The following PTER variants were observed in gnomAD, a reference collection of about 807,000 sequenced individuals.
PTER encodes phosphotriesterase related.
A neutral mutation model predicts 29.6 loss-of-function variants in PTER; 38 were observed. That is an observed-to-expected ratio of 1.28 (90% CI 0.99 to 1.68). PTER has a LOEUF of 1.68. Among genes scored for constraint, PTER ranks in the 40% most tolerant of loss-of-function variants. The probability of loss-of-function intolerance (pLI) is 0.00; values close to 1 mark genes in which losing one functional copy is unlikely to be tolerated. For missense variants in PTER, 482 were observed against 427.8 expected (o/e 1.13, Z -1.12); for synonymous variants, 172 against 154.5 (o/e 1.11, Z -0.84).
chr10:16,486,865 T>C (rs1835722640), intron 3 of PTER: 2 of 434,332 alleles, frequency 4.6e-6, no homozygotes, highest in Non-Finnish European at 8.2e-6. Context: ...ATAAGTCATT[T>C]CCTTTAATTT....
At chr10:16,514,316 G>A (rs931235961), downstream of PTER, 1 of 576,308 alleles carries the variant, frequency 1.7e-6, no homozygotes, top group Non-Finnish European at 3.1e-6. Flanking sequence ...TGCTTTGGCG[G>A]TAGTGGATCA....
chr10:16,493,777 G>T (rs532154408), intron 3 of PTER, among the ~76,000 whole-genome samples: 30 of 152,084 alleles, frequency 2.0e-4, no homozygotes, highest in Non-Finnish European at 3.2e-4. Context: ...AGAAATCCAG[G>T]CAAATATCTG....
intron 1 of PTER, among the ~76,000 whole-genome samples, chr10:16,439,894 C>T (rs888181574): frequency 6.6e-6 from 1 of 152,078 alleles, no homozygotes; most frequent in Non-Finnish European, 1.5e-5. Context: ...CCTAGTAAGC[C>T]ATATAGTAAT....
chr10:16,462,278 G>A (rs1425769911), intron 1 of PTER, among the ~76,000 whole-genome samples: 5 of 152,080 alleles, frequency 3.3e-5, no homozygotes, highest in Admixed American at 6.5e-5. Context: ...GAGCCACCAC[G>A]CCCAGCCTTT....
At chr10:16,477,979 G>T (rs868543192) in intron 1 of PTER, among the ~76,000 whole-genome samples, 21 of 152,148 alleles carry the variant, frequency 1.4e-4, no homozygotes, top group African/African-American at 4.6e-4. Flanking sequence ...AAAAGCAGAG[G>T]ACAGACTTCA....
chr10:16,508,373 A>C (rs973374237), intron 4 of PTER, among the ~76,000 whole-genome samples: 2 of 151,872 alleles, frequency 1.3e-5, no homozygotes, highest in Admixed American at 6.6e-5. Context: ...CGGCCTCAAC[A>C]CATGTTTTCT....
At chr10:16,513,999 C>G (rs1365327372), downstream of PTER, 4 of 259,014 alleles carry the variant, frequency 1.5e-5, no homozygotes, top group Non-Finnish European at 2.2e-5. Context: ...ATTCCCAGGT[C>G]TAGCTCTAAG....
chr10:16,458,212 C>T (rs1356511330), intron 1 of PTER, among the ~76,000 whole-genome samples: 1 of 151,686 alleles, frequency 6.6e-6, no homozygotes. Context: ...AAATGTTTTG[C>T]TGCTGCCCAG....
intron 1 of PTER, among the ~76,000 whole-genome samples, chr10:16,470,776 C>CA (rs202192145): frequency 0.011 from 1,611 of 151,564 alleles, 31 homozygotes; most frequent in African/African-American, 0.037. Flanking sequence ...TCAAAAAAAA[C>CA]AAAAAAAATT....
intron 1 of PTER, among the ~76,000 whole-genome samples, chr10:16,456,172 C>T (rs1045453860): frequency 6.6e-6 from 1 of 152,232 alleles, no homozygotes; most frequent in Non-Finnish European, 1.5e-5. Flanking sequence ...TTTTGAGACT[C>T]AAAGCAGCTC....
chr10:16,440,321 G>C (rs1226180323), intron 1 of PTER, among the ~76,000 whole-genome samples: 1 of 151,620 alleles, frequency 6.6e-6, no homozygotes, highest in Non-Finnish European at 1.5e-5. Flanking sequence ...ACCTGCCTCA[G>C]CCTCCCGGCA....
chr10:16,479,457 T>A (rs1835397787), intron 1 of PTER, among the ~76,000 whole-genome samples: 1 of 151,774 alleles, frequency 6.6e-6, no homozygotes, highest in African/African-American at 2.4e-5. Context: ...TGAACCTGTA[T>A]GCACAATGGA....
At chr10:16,494,977 A>G (rs1018809842) in intron 3 of PTER, among the ~76,000 whole-genome samples, 8 of 152,050 alleles carry the variant, frequency 5.3e-5, no homozygotes, top group African/African-American at 1.9e-4. Flanking sequence ...CTTTTTTTAA[A>G]TATTGCATTA....
At chr10:16,449,294 T>A (rs1286685515) in intron 1 of PTER, among the ~76,000 whole-genome samples, 1 of 152,156 alleles carries the variant, frequency 6.6e-6, no homozygotes, top group African/African-American at 2.4e-5. Flanking sequence ...CAATTCTGCA[T>A]TCTGGTACTA....
chr10:16,496,317 G>A (rs1164930486), intron 3 of PTER, among the ~76,000 whole-genome samples: 2 of 152,108 alleles, frequency 1.3e-5, no homozygotes, highest in Non-Finnish European at 2.9e-5. Context: ...TTTGCCTCAG[G>A]CACAAAATCC....
intron 1 of PTER, among the ~76,000 whole-genome samples, chr10:16,475,506 A>G (rs1835226890): frequency 6.6e-6 from 1 of 152,174 alleles, no homozygotes; most frequent in African/African-American, 2.4e-5. Context: ...GCACAAAAGC[A>G]GAAGCTGCTT....
chr10:16,501,440 C>G (rs1836346269), intron 3 of PTER, among the ~76,000 whole-genome samples: 1 of 151,970 alleles, frequency 6.6e-6, no homozygotes. Context: ...GTTCCTTTCT[C>G]TTTGATCATG....
chr10:16,498,925 A>G (rs978016321), intron 3 of PTER, among the ~76,000 whole-genome samples: 2 of 152,202 alleles, frequency 1.3e-5, no homozygotes, highest in Non-Finnish European at 2.9e-5. Context: ...TCACGGCGCA[A>G]GGTGCTTGTT....
chr10:16,461,261 G>A (rs1164698237), intron 1 of PTER, among the ~76,000 whole-genome samples: 2 of 151,538 alleles, frequency 1.3e-5, no homozygotes, highest in African/African-American at 4.8e-5. Context: ...TTATTTTTAT[G>A]GGGAAAATAT....
Sources: gnomAD v4.1 joint callset for allele counts (sites outside exome capture counted in the v4.1 genomes callset) on GRCh38, gnomAD v4.1.1 for gene constraint, MANE v1.5 for transcripts, NCBI Gene and HGNC (gene_info 2026-07-23, HGNC 2026-07-21) for gene names.